Variants in SASS6 observed in about 807,000 individuals in gnomAD.
SASS6 encodes SAS-6 centriolar assembly protein, also known as spindle assembly abnormal protein 6 homolog.
Under a neutral mutation model 94.9 loss-of-function variants are expected in SASS6, and 59 were observed. That is an observed-to-expected ratio of 0.62 (90% CI 0.50 to 0.77). The LOEUF is 0.77. SASS6 is among the 30% of genes least tolerant of loss of function. The pLI is 0.00. For missense variants in SASS6, 698 were observed against 734.1 expected (o/e 0.95, Z 0.57); for synonymous variants, 264 against 270.0 (o/e 0.98, Z 0.22).
chr1:100,119,060 C>A lies in SASS6; in HGVS notation c.627G>T (p.Lys209Asn), dbSNP rs369635710. The A allele has an allele frequency of 4.4e-6, 7 of 1,590,776 alleles. No individual in the cohort carries two copies. The African/African-American group carries it at 8.0e-5, about 18-fold the overall frequency. The change falls in exon 7 of 17, where the codon AAG becomes AAT. Residue 209 changes from lysine (K) to asparagine (N), a missense_variant. Transcript: ENST00000287482. ...TTTCATTTGTCAGTTCCTGAGAATG[C>A]TTGTTTGTCAAGGCTGCTGTATGTG... ...WASHTAALTN[K>N]HSQELTNEKE...
intron 7 of SASS6, among the ~76,000 whole-genome samples, chr1:100,117,381 G>C (rs1399049236): frequency 6.6e-6 from 1 of 151,138 alleles, no homozygotes; most frequent in Non-Finnish European, 1.5e-5. Context: ...AGCTGGGCAT[G>C]GTGGCTCATG....
intron 14 of SASS6, among the ~76,000 whole-genome samples, chr1:100,093,746 G>C (rs1479909443): frequency 3.9e-5 from 6 of 152,002 alleles, no homozygotes; most frequent in Admixed American, 3.9e-4. Context: ...GGGGGACACA[G>C]TGTGACCCTG....
rs115279014 is a variant in SASS6, at chr1:100,107,226, A to G, written c.1326+148T>C. The G allele has an allele frequency of 9.6e-3, 5,929 of 615,838 alleles. 46 individuals are homozygous for G. Among genetic ancestry groups the G allele is most frequent in the Non-Finnish European group, 0.013 (4,582 of 352,220 alleles). The allele number at this position is 615,838 out of a possible 1,614,324, so 38.1% of individuals were successfully genotyped here. On this transcript the variant is annotated intron_variant, in intron 11 of 16. Coordinates refer to ENST00000287482, the MANE Select transcript of SASS6 (RefSeq NM_194292.3). Reference sequence around the variant, plus strand: ...ATGATAACTAACTTTCCAAACTGAAACAGGTTATTACCATCTACTCAATCT... The same window carrying G: ...ATGATAACTAACTTTCCAAACTGAAGCAGGTTATTACCATCTACTCAATCT...
At chr1:100,116,039 A>T (rs1268242760) in intron 7 of SASS6, among the ~76,000 whole-genome samples, 9 of 152,176 alleles carry the variant, frequency 5.9e-5, no homozygotes. Context: ...CCAAATGTGA[A>T]ATGAAATCTT....
intron 7 of SASS6, among the ~76,000 whole-genome samples, chr1:100,117,647 C>T (rs1653896637): frequency 6.9e-6 from 1 of 145,874 alleles, no homozygotes; most frequent in Non-Finnish European, 1.5e-5. Context: ...AGCGAGACTC[C>T]ATCTAAAAAT....
intron 1 of SASS6, among the ~76,000 whole-genome samples, chr1:100,131,740 A>T (rs907815766): frequency 1.3e-5 from 2 of 152,134 alleles, no homozygotes; most frequent in African/African-American, 4.8e-5. Context: ...TATATATACT[A>T]CAGTTTGACA....
At chr1:100,127,282 T>C (rs1390642695) in intron 1 of SASS6, among the ~76,000 whole-genome samples, 1 of 152,270 alleles carries the variant, frequency 6.6e-6, no homozygotes, top group Non-Finnish European at 1.5e-5. Flanking sequence ...TAAGTTTTTC[T>C]TCTAAGGACT....
At chr1:100,127,493 G>C (rs1337613766) in intron 1 of SASS6, among the ~76,000 whole-genome samples, 1 of 152,066 alleles carries the variant, frequency 6.6e-6, no homozygotes, top group African/African-American at 2.4e-5. Flanking sequence ...CATATGATTG[G>C]ATGCTAAATC....
chr1:100,110,473 T>A lies in SASS6; in HGVS notation c.680A>T (p.Gln227Leu). ...CTGTTGTTCATGCTGCTGTTGATATTGAACCTGTGCCTATGATACAATAAA... is the reference window on the plus strand; with the variant it reads ...CTGTTGTTCATGCTGCTGTTGATATAGAACCTGTGCCTATGATACAATAAA... ...EKEKALQAQV[Q>L]YQQQHEQQKK... The change falls in exon 8 of 17, where the codon CAA becomes CTA. Residue 227 changes from glutamine (Q) to leucine (L), a missense_variant. Gln to Leu is a moderately radical substitution (Grantham distance 113). Coordinates refer to ENST00000287482, the MANE Select transcript of SASS6 (RefSeq NM_194292.3). 6.3e-7 allele frequency: 1 copy of A among 1,595,618 alleles called. No homozygotes were observed.
intron 4 of SASS6, 36 bp downstream of exon 4, chr1:100,122,344 T>C (rs771522189): frequency 1.1e-6 from 1 of 913,720 alleles, no homozygotes; most frequent in Non-Finnish European, 1.8e-6. Flanking sequence ...CTGTCTTGAA[T>C]TAAATTTAAT....
chr1:100,130,319 G>A (rs1359103904), intron 1 of SASS6, among the ~76,000 whole-genome samples: 1 of 152,170 alleles, frequency 6.6e-6, no homozygotes, highest in Non-Finnish European at 1.5e-5. Flanking sequence ...TCCACACTTA[G>A]GACAGTTCCT....
intron 7 of SASS6, 98 bp downstream of exon 7, chr1:100,118,920 G>A (rs985311137): frequency 8.4e-5 from 66 of 784,718 alleles, no homozygotes; most frequent in Middle Eastern, 6.5e-4. Context: ...CTTCTGTAAC[G>A]TTTGGAAAAT....
At chr1:100,116,120 CT>C in intron 7 of SASS6, among the ~76,000 whole-genome samples, 1 of 152,014 alleles carries the variant, frequency 6.6e-6, no homozygotes, top group Non-Finnish European at 1.5e-5. Flanking sequence ...GCAAAAGATG[CT>C]GGCAAATGAC....
At chr1:100,088,107 A>C (rs771037455) in intron 15 of SASS6, 32 bp downstream of exon 15, 13 of 1,228,278 alleles carry the variant, frequency 1.1e-5, no homozygotes, top group Non-Finnish European at 1.6e-5. Flanking sequence ...TCAAAATTGC[A>C]AACATTAAAT....
chr1:100,108,111 T>C, intron 8 of SASS6, 107 bp from the exon 9 acceptor site: 1 of 611,490 alleles, frequency 1.6e-6, no homozygotes, highest in Non-Finnish European at 2.6e-6. Context: ...TCTTTAATAA[T>C]TTTAAAGTTT....
intron 1 of SASS6, among the ~76,000 whole-genome samples, chr1:100,129,744 C>A (rs1047221792): frequency 6.6e-5 from 10 of 152,144 alleles, no homozygotes; most frequent in African/African-American, 2.4e-4. Context: ...CAGAAGGTAA[C>A]AAGAATGCTT....
In SASS6 at chr1:100,123,200, A is replaced by G. The variant is rs998554247; in HGVS notation, c.206+10T>C. The G allele has an allele frequency of 2.2e-5, 27 of 1,245,106 alleles. No homozygotes were observed. Among genetic ancestry groups the G allele is most frequent in the Non-Finnish European group, 3.0e-5 (26 of 863,230 alleles). 77.1% of individuals were successfully genotyped at this position (1,245,106 alleles called of 1,614,324 possible). On this transcript the variant is annotated intron_variant, in intron 3 of 16. Transcript: ENST00000287482. ...TCACTAAATATAAGATCAGAAAAAA[A>G]TTTAGTTACCTTTGAAAATCTTCCT...
chr1:100,107,040 A>AATAAAAACTGAAGAATGTAT, intron 11 of SASS6, 47 bp from the exon 12 acceptor site: 1 of 787,712 alleles, frequency 1.3e-6, no homozygotes, highest in Non-Finnish European at 2.2e-6. Flanking sequence ...ATAAAGGTTA[A>AATAAAAACTGAAGAATGTAT]ATAAAAACTG....
chr1:100,091,148 T>A (rs1019360520), intron 14 of SASS6, among the ~76,000 whole-genome samples: 1 of 151,934 alleles, frequency 6.6e-6, no homozygotes, highest in Admixed American at 6.6e-5. Flanking sequence ...CTACTAAAAA[T>A]ACAAAAATTA....
Sources: gnomAD v4.1 joint callset for allele counts (sites outside exome capture counted in the v4.1 genomes callset) on GRCh38, gnomAD v4.1.1 for gene constraint, MANE v1.5 for transcripts, NCBI Gene and HGNC (gene_info 2026-07-23, HGNC 2026-07-21) for gene names.